EFR3A: variants seen among roughly 807,000 people sequenced by gnomAD.
The protein encoded by EFR3A is EFR3 homolog A.
A neutral mutation model predicts 104.4 loss-of-function variants in EFR3A; 76 were observed. The observed-to-expected ratio is 0.73, with a 90% CI of 0.60 to 0.88. EFR3A has a LOEUF of 0.88. EFR3A is among the 40% of genes least tolerant of loss of function. The probability of loss-of-function intolerance (pLI) is 0.00; values close to 1 mark genes in which losing one functional copy is unlikely to be tolerated. For synonymous variants in EFR3A, 330 were observed against 330.0 expected (o/e 1.00, Z 0.00); for missense variants, 985 against 1,012.5 (o/e 0.97, Z 0.37).
chr8:131,987,636 G>C lies in EFR3A; in HGVS notation c.1999G>C (p.Glu667Gln), dbSNP rs753769203. The change falls in exon 18 of 23, where the codon GAG becomes CAG. Residue 667 changes from glutamate to glutamine, a missense_variant. Coordinates refer to ENST00000254624, the MANE Select transcript of EFR3A (RefSeq NM_015137.6). ...DLYFLTNKIA[E>Q]SLGGSGYSVE... ...GTACTTTCTGACCAACAAGATTGCA[G>C]AGTCGCTAGGTGGAAGTGGATATAG... 1.3e-6 allele frequency: 2 copies of C among 1,597,654 alleles called. No homozygotes were observed. The highest frequency in any genetic ancestry group is 1.7e-5 in the Admixed American group (1 of 57,620).
Position 131,907,862 on chromosome 8 carries a change from C to T in EFR3A, c.10+3540C>T, listed in dbSNP as rs548504185. On this transcript the variant is annotated intron_variant, in intron 1 of 22. Coordinates refer to ENST00000254624, the MANE Select transcript of EFR3A (RefSeq NM_015137.6). ...TCCCTCCTTCCTCCCTTCTTCTACC[C>T]ACCACCTATGTGTCCTGCCAGAGTT... Among the ~76,000 whole-genome samples the T allele has an allele frequency of 9.9e-5, 15 of 151,780 alleles. No individual in the cohort carries two copies. The East Asian group carries it at 2.7e-3, about 28-fold the overall frequency.
chr8:131,944,967 A>G, intron 3 of EFR3A, 95 bp downstream of exon 3: 1 of 1,325,934 alleles, frequency 7.5e-7, no homozygotes, highest in East Asian at 2.5e-5. Context: ...TTAGTGAGAC[A>G]AAGATAATAT....
chr8:131,932,418 G>A (rs1015666089), intron 1 of EFR3A, among the ~76,000 whole-genome samples: 6 of 152,082 alleles, frequency 3.9e-5, no homozygotes, highest in Non-Finnish European at 5.9e-5. Flanking sequence ...GTTCCTTGGT[G>A]TTCCATGAAT....
At chr8:131,923,385 A>G (rs917130042) in intron 1 of EFR3A, among the ~76,000 whole-genome samples, 1 of 151,828 alleles carries the variant, frequency 6.6e-6, no homozygotes, top group Non-Finnish European at 1.5e-5. Flanking sequence ...TATCTTTTCT[A>G]TTCTCAATAT....
rs1294179097 is a variant in EFR3A at position 131,946,600 on chromosome 8, G to A, written c.333G>A (p.Gly111=). 5.6e-6 allele frequency: 9 copies of A among 1,604,340 alleles called. No individual in the cohort carries two copies. Among genetic ancestry groups the A allele is most frequent in the Non-Finnish European group, 6.8e-6 (8 of 1,175,442 alleles). ...TGGTGGCAAAGCTGCTGGAATCGGG[G>A]GAACCAAAGCTTCAAGTTCTTGGAA... The part of the protein sequence containing the change: ...LHMVAKLLES[G]EPKLQVLGTN... The change falls in exon 4 of 23, where the codon GGG becomes GGA. Residue 111 remains glycine, a synonymous_variant. Transcript: ENST00000254624.
At chr8:131,979,579 T>C (rs372182057) in intron 14 of EFR3A, among the ~76,000 whole-genome samples, 158 bp downstream of exon 14, 3 of 152,192 alleles carry the variant, frequency 2.0e-5, no homozygotes, top group East Asian at 1.9e-4. Flanking sequence ...AAGTGTAACA[T>C]TCCTGTCGGT....
chr8:131,946,447 A>G lies in EFR3A; in HGVS notation c.216-36A>G, dbSNP rs768992301. Reference sequence around the variant, plus strand: ...AGCACTTAGGAGAATTAAGAGAGGTAGAAATGCTTTGACATTCTTTTTCTC... The same window carrying G: ...AGCACTTAGGAGAATTAAGAGAGGTGGAAATGCTTTGACATTCTTTTTCTC... On this transcript the variant is annotated intron_variant, in intron 3 of 22. Coordinates refer to ENST00000254624, the MANE Select transcript of EFR3A (RefSeq NM_015137.6). The G allele has an allele frequency of 6.7e-6, 10 of 1,501,168 alleles. No individual in the cohort carries two copies. In the Admixed American group the frequency reaches 9.0e-5, roughly 14 times the overall value. 93.0% of individuals were successfully genotyped at this position (1,501,168 alleles called of 1,614,324 possible). A position where few individuals can be genotyped will look rare whatever the true frequency, so the allele number is the denominator to read the frequency against.
At chr8:131,953,010 C>T (rs773408981) in intron 5 of EFR3A, among the ~76,000 whole-genome samples, 2 of 152,154 alleles carry the variant, frequency 1.3e-5, no homozygotes, top group Non-Finnish European at 2.9e-5. Flanking sequence ...TTTTGAGACT[C>T]ATTGGGCCAC....
chr8:131,968,905 TTTAAAA>T (rs1199124084), intron 9 of EFR3A, among the ~76,000 whole-genome samples: 1 of 152,210 alleles, frequency 6.6e-6, no homozygotes, highest in Non-Finnish European at 1.5e-5. Context: ...GAGAAGTGGC[TTTAAAA>T]TTAAGTTGTA....
rs192372690 is a variant in EFR3A at position 131,972,111 on chromosome 8, A to G, written c.1159+1468A>G. Among the ~76,000 whole-genome samples the G allele has an allele frequency of 1.3e-3, 202 of 152,224 alleles. 1 individual carries two copies. Among genetic ancestry groups the G allele is most frequent in the African/African-American group, 4.6e-3 (191 of 41,530 alleles). ...TACCTTTCTATGTATGTAGGAATGCATGTATTTGTTTATTGGTATGAACTC... is the reference window on the plus strand; with the variant it reads ...TACCTTTCTATGTATGTAGGAATGCGTGTATTTGTTTATTGGTATGAACTC... On this transcript the variant is annotated intron_variant, in intron 10 of 22. Coordinates refer to ENST00000254624, the MANE Select transcript of EFR3A (RefSeq NM_015137.6).
At chr8:131,910,388 C>T (rs893039845) in intron 1 of EFR3A, among the ~76,000 whole-genome samples, 11 of 152,172 alleles carry the variant, frequency 7.2e-5, no homozygotes, top group Non-Finnish European at 1.0e-4. Flanking sequence ...TCTCCTGCCT[C>T]GGCCTCCCGA....
chr8:131,975,410 C>CTTTTT (rs760100564), intron 10 of EFR3A, among the ~76,000 whole-genome samples: 2 of 102,184 alleles, frequency 2.0e-5, no homozygotes, highest in Non-Finnish European at 4.0e-5. Context: ...TTTTTTTTTC[C>CTTTTT]TATTTTTTTT....
In EFR3A at chr8:132,012,591, A is replaced by T. The variant is rs1051257; in HGVS notation, c.*1696A>T. 0.87 allele frequency: 132,577 copies of T among 152,464 alleles called. 57,815 individuals carry two copies. The highest frequency in any genetic ancestry group is 0.93 in the East Asian group (4,833 of 5,170). 9.4% of individuals were successfully genotyped at this position (152,464 alleles called of 1,614,324 possible). ...CCGTAAAGCCAAGTTGTATTTTTTT[A>T]ATTGCCCTTTTTTCCTTCTGTATTT... On this transcript the variant is annotated 3_prime_UTR_variant, in exon 23 of 23. Transcript: ENST00000254624.
Position 131,962,134 on chromosome 8 carries a change from G to A in EFR3A, c.855+2471G>A, listed in dbSNP as rs560322787. ...CAAATTGTAAAGACCATCGAGGCTAGGAAGAAACTGCATCAACTAACGAGC... is the reference window on the plus strand; with the variant it reads ...CAAATTGTAAAGACCATCGAGGCTAAGAAGAAACTGCATCAACTAACGAGC... On this transcript the variant is annotated intron_variant, in intron 8 of 22. Coordinates refer to ENST00000254624, the MANE Select transcript of EFR3A (RefSeq NM_015137.6). 3.9e-4 allele frequency among the ~76,000 whole-genome samples: 59 copies of A among 152,258 alleles called. No individual in the cohort carries two copies. The East Asian group carries it at 0.011, about 28-fold the overall frequency.
chr8:131,938,088 A>T (rs1036692167), intron 1 of EFR3A: 1 of 390,446 alleles, frequency 2.6e-6, no homozygotes, highest in Non-Finnish European at 4.5e-6. Context: ...TTTGATGTCA[A>T]TGACAAGTTA....
chr8:131,906,384 G>A (rs1215807102), intron 1 of EFR3A, among the ~76,000 whole-genome samples: 3 of 152,148 alleles, frequency 2.0e-5, no homozygotes, highest in African/African-American at 7.2e-5. Context: ...ATGGTTGAGA[G>A]GCTTAGTGAT....
At chr8:131,935,865 T>C (rs1366714974) in intron 1 of EFR3A, among the ~76,000 whole-genome samples, 1 of 151,242 alleles carries the variant, frequency 6.6e-6, no homozygotes, top group Non-Finnish European at 1.5e-5. Context: ...TTTAAAGGGG[T>C]CTTTTTTTTT....
intron 18 of EFR3A, 119 bp downstream of exon 18, chr8:131,987,821 AT>A: frequency 9.5e-7 from 1 of 1,058,154 alleles, no homozygotes; most frequent in South Asian, 1.6e-5. Flanking sequence ...TAGCCCAGCC[AT>A]TTTCAAATGC....
chr8:131,965,662 A>G (rs1200953203), intron 8 of EFR3A, among the ~76,000 whole-genome samples: 3 of 152,200 alleles, frequency 2.0e-5, no homozygotes, highest in Non-Finnish European at 4.4e-5. Flanking sequence ...GCAATTCCTC[A>G]GGGATCTAGA....
Sources: gnomAD v4.1 joint callset for allele counts (sites outside exome capture counted in the v4.1 genomes callset) on GRCh38, gnomAD v4.1.1 for gene constraint, MANE v1.5 for transcripts, NCBI Gene and HGNC (gene_info 2026-07-23, HGNC 2026-07-21) for gene names.